TMEM216: variants seen among roughly 807,000 people sequenced by gnomAD.
TMEM216 encodes the protein transmembrane protein 216.
TMEM216 carries 15 observed loss-of-function variants against 17.8 expected under a neutral mutation model. The observed-to-expected ratio is 0.84, with a 90% CI of 0.56 to 1.30. TMEM216 has a LOEUF of 1.30. Ranked by LOEUF, TMEM216 falls within the 50% of genes most tolerant of loss-of-function variation. The pLI, the probability that TMEM216 is intolerant of heterozygous loss-of-function variation, is 0.00. For missense variants in TMEM216, 160 were observed against 175.7 expected, an observed-to-expected ratio of 0.91 and a Z score of 0.51; for synonymous variants, 58 against 73.5, an observed-to-expected ratio of 0.79 and a Z score of 1.08.
intron 3 of TMEM216, among the ~76,000 whole-genome samples, chr11:61,394,671 T>TG (rs1858759388): frequency 6.9e-6 from 1 of 144,586 alleles, no homozygotes; most frequent in Non-Finnish European, 1.5e-5. Context: ...CTGGTTGGAT[T>TG]TTTTTTTTTT....
Position 61,397,776 on chromosome 11 carries a change from A to G in TMEM216, c.232A>G (p.Thr78Ala). The G allele has an allele frequency of 4.3e-6, 7 of 1,612,764 alleles. No individual in the cohort carries two copies. The highest frequency in any genetic ancestry group is 5.9e-6 in the Non-Finnish European group (7 of 1,179,810). Residue 78 changes from threonine (T) to alanine (A), a missense_variant and splice_region_variant, in exon 4 of 5, where the codon ACA becomes GCA. By Grantham distance (58) the Thr-to-Ala change is moderately conservative. Coordinates refer to ENST00000515837, the MANE Select transcript of TMEM216 (RefSeq NM_001173990.3). ...ACTCCATGGGCTGTGTCTGACAGGT[A>G]CAAAGGGAAACCTCTGCCAGCGAAA... The part of the protein sequence containing the change: ...GIEVIRLFFG[T>A]KGNLCQRKMP...
At chr11:61,395,607 G>A (rs767275073) in intron 3 of TMEM216, among the ~76,000 whole-genome samples, 18 of 151,580 alleles carry the variant, frequency 1.2e-4, no homozygotes, top group Admixed American at 4.6e-4. Context: ...GTGGTGGCGC[G>A]CACCTGTAAT....
At position 61,397,759 on chromosome 11, in the gene TMEM216, G is replaced by T. The variant is rs1180183882; in HGVS notation, c.230-15G>T. On this transcript the variant is annotated splice_polypyrimidine_tract_variant and intron_variant, in intron 3 of 4. Coordinates refer to ENST00000515837, the MANE Select transcript of TMEM216 (RefSeq NM_001173990.3). Reference sequence around the variant, plus strand: ...CAGACCATTTGGAGATGACTCCATGGGCTGTGTCTGACAGGTACAAAGGGA... The same window carrying T: ...CAGACCATTTGGAGATGACTCCATGTGCTGTGTCTGACAGGTACAAAGGGA... The T allele has an allele frequency of 6.2e-7, 1 of 1,610,324 alleles. No homozygotes were observed. The highest frequency in any genetic ancestry group is 8.5e-7 in the Non-Finnish European group (1 of 1,178,060).
At position 61,398,626 on chromosome 11, in the gene TMEM216, A is replaced by G. The variant is rs1030376777; in HGVS notation, c.*350A>G. ...GACCATCTAGGCTCCTTGGGCTTCA[A>G]GCAGGACCTGAGCCACATGCTCCCT... On this transcript the variant is annotated 3_prime_UTR_variant, in exon 5 of 5. Transcript: ENST00000515837. 3 of 306,892 alleles carry G rather than the reference A, an allele frequency of 9.8e-6. No individual in the cohort carries two copies. Among genetic ancestry groups the G allele is most frequent in the African/African-American group, 6.3e-5 (3 of 47,780 alleles). 19.0% of individuals were successfully genotyped at this position (306,892 alleles called of 1,614,324 possible).
At chr11:61,396,956 C>CCA (rs1858813945) in intron 3 of TMEM216, among the ~76,000 whole-genome samples, 2 of 150,928 alleles carry the variant, frequency 1.3e-5, no homozygotes, top group African/African-American at 4.9e-5. Context: ...ATTAAGGTAG[C>CCA]TATGTGTGTG....
chr11:61,393,465 C>A, intron 2 of TMEM216, 133 bp downstream of exon 2: 2 of 643,136 alleles, frequency 3.1e-6, no homozygotes, highest in South Asian at 4.0e-5. Flanking sequence ...GGCAGGCCTC[C>A]TCATCAGATG....
At position 61,398,478 on chromosome 11, in the gene TMEM216, G is replaced by C. The variant is rs1056088714; in HGVS notation, c.*202G>C. 8.2e-6 allele frequency: 5 copies of C among 612,820 alleles called. No homozygotes were observed. Among genetic ancestry groups the C allele is most frequent in the African/African-American group, 1.8e-5 (1 of 54,378 alleles). The allele number at this position is 612,820 out of a possible 1,614,324, so 38.0% of individuals were successfully genotyped here. A position where few individuals can be genotyped will look rare whatever the true frequency, so the allele number is the denominator to read the frequency against. ...CTAAACCAGGACCATCAGCCCAAGA[G>C]ACTCTTCTACACTCCAGTATAGGGA... is the stretch of plus-strand genomic sequence containing the variant. On this transcript the variant is annotated 3_prime_UTR_variant, in exon 5 of 5. Transcript: ENST00000515837.
rs1858695642 is a variant in TMEM216, at chr11:61,392,592, C to T, written c.-40C>T. 1.3e-6 allele frequency: 2 copies of T among 1,532,312 alleles called. No individual in the cohort carries two copies. Among genetic ancestry groups the T allele is most frequent in the Non-Finnish European group, 1.7e-6 (2 of 1,144,504 alleles). 94.9% of individuals were successfully genotyped at this position (1,532,312 alleles called of 1,614,324 possible). The stretch of plus-strand genomic sequence containing the variant: ...ACCCAGGCCGCTTCGTCCCTGTTTC[C>T]GGCAGCGCCGCGCTGCTCCGGGAGC... On this transcript the variant is annotated 5_prime_UTR_variant, in exon 1 of 5. Coordinates refer to ENST00000515837, the MANE Select transcript of TMEM216 (RefSeq NM_001173990.3).
intron 4 of TMEM216, 70 bp from the exon 5 acceptor site, chr11:61,398,199 AC>A: frequency 3.8e-6 from 6 of 1,578,972 alleles, no homozygotes; most frequent in Non-Finnish European, 5.2e-6. Flanking sequence ...GGAATATAGA[AC>A]AGTCGAGGCC....
chr11:61,396,590 C>T (rs1048851456), intron 3 of TMEM216, among the ~76,000 whole-genome samples: 2 of 151,742 alleles, frequency 1.3e-5, no homozygotes, highest in South Asian at 2.1e-4. Context: ...GTCAGGAGTT[C>T]GTGACCAGCC....
chr11:61,395,728 C>CAAA (rs58991741), intron 3 of TMEM216, among the ~76,000 whole-genome samples: 8 of 110,048 alleles, frequency 7.3e-5, no homozygotes, highest in Admixed American at 4.9e-4. Context: ...AAGTGAGACT[C>CAAA]AAAAAAAAAA....
At chr11:61,393,186 G>GAGCT in intron 1 of TMEM216, 45 bp from the exon 2 acceptor site, 1 of 1,428,338 alleles carries the variant, frequency 7.0e-7, no homozygotes, top group Non-Finnish European at 9.5e-7. Context: ...AGCAGAGAGG[G>GAGCT]AGCTGCCTTC....
chr11:61,392,709 G>C (rs998495356), intron 1 of TMEM216, 44 bp downstream of exon 1: 6 of 1,535,850 alleles, frequency 3.9e-6, no homozygotes, highest in Non-Finnish European at 5.2e-6. Context: ...CTTTCCCTTC[G>C]GTCGCTCCCT....
intron 2 of TMEM216, 59 bp downstream of exon 2, chr11:61,393,391 T>A: frequency 8.3e-7 from 1 of 1,199,320 alleles, no homozygotes; most frequent in African/African-American, 1.5e-5. Flanking sequence ...TCAGAGCCAA[T>A]TCCTACCAAG....
chr11:61,393,251 C>G lies in TMEM216; in HGVS notation c.55C>G (p.Pro19Ala), dbSNP rs1440505317. The G allele has an allele frequency of 2.0e-6, 3 of 1,535,970 alleles. No individual in the cohort carries two copies. Among genetic ancestry groups the G allele is most frequent in the South Asian group, 1.2e-5 (1 of 84,046 alleles). Residue 19 changes from proline (P) to alanine (A), a missense_variant, in exon 2 of 5, where the codon CCG (proline) becomes GCG (alanine). Transcript: ENST00000515837. ...TTCAGGTAAACGGTTGTCCTCCACC[C>G]CGCTGGAAATCCTGTTCTTTCTGAA... Reference protein sequence around the residue: ...APRGKRLSSTPLEILFFLNGW... With the variant: ...APRGKRLSSTALEILFFLNGW...
Position 61,393,346 on chromosome 11 carries a change from G to C in TMEM216, c.136+14G>C, listed in dbSNP as rs1397702234. The stretch of plus-strand genomic sequence containing the variant: ...TTCTGTATAAAGGTAAGGAAGGCTT[G>C]GGGCTTGACGACAGCATCCCTTCCC... On this transcript the variant is annotated intron_variant, in intron 2 of 4. Coordinates refer to ENST00000515837, the MANE Select transcript of TMEM216 (RefSeq NM_001173990.3). 4 of 1,503,036 alleles carry C rather than the reference G, an allele frequency of 2.7e-6. No homozygotes were observed. The Admixed American group carries it at 5.9e-5, about 22-fold the overall frequency. 93.1% of individuals were successfully genotyped at this position (1,503,036 alleles called of 1,614,324 possible). A position where few individuals can be genotyped will look rare whatever the true frequency, so the allele number is the denominator to read the frequency against.
At chr11:61,395,328 TAGA>T (rs1858774487) in intron 3 of TMEM216, among the ~76,000 whole-genome samples, 3 of 152,116 alleles carry the variant, frequency 2.0e-5, no homozygotes. Flanking sequence ...CCTTATTTGT[TAGA>T]ATATGTCATC....
At chr11:61,397,146 C>G (rs1026397162) in intron 3 of TMEM216, among the ~76,000 whole-genome samples, 14 of 151,496 alleles carry the variant, frequency 9.2e-5, no homozygotes, top group Non-Finnish European at 1.6e-4. Flanking sequence ...TCTATAGTCT[C>G]AAAAATTATT....
chr11:61,393,089 A>T (rs1428360843), intron 1 of TMEM216, 142 bp from the exon 2 acceptor site: 1 of 483,432 alleles, frequency 2.1e-6, no homozygotes, highest in Admixed American at 4.3e-5. Context: ...TCGCCCCCTC[A>T]TTATCAGCAA....
Sources: allele counts gnomAD v4.1 joint callset (sites outside exome capture counted in the v4.1 genomes callset), GRCh38; gene constraint gnomAD v4.1.1; transcripts MANE v1.5; gene names NCBI Gene and HGNC (gene_info 2026-07-23, HGNC 2026-07-21).